TMCC1: variants seen among roughly 807,000 people sequenced by gnomAD.
TMCC1 encodes the protein transmembrane and coiled-coil domain family 1.
A neutral mutation model predicts 52.4 loss-of-function variants in TMCC1; 15 were observed. That is an observed-to-expected ratio of 0.29 (90% CI 0.19 to 0.44). The LOEUF (loss-of-function observed/expected upper bound fraction) is 0.44. Ranked by LOEUF, TMCC1 falls within the 20% of genes least tolerant of loss-of-function variation. TMCC1 has a pLI of 1.00. For synonymous variants in TMCC1, 279 were observed against 301.9 expected (o/e 0.92, Z 0.79); for missense variants, 503 against 806.0 (o/e 0.62, Z 4.55).
chr3:129,756,839 T>C (rs1309726178), intron 4 of TMCC1, among the ~76,000 whole-genome samples: 1 of 152,162 alleles, frequency 6.6e-6, no homozygotes, highest in African/African-American at 2.4e-5. Context: ...CAGTTGGTAG[T>C]GAGGGGAGTT....
chr3:129,881,563 T>C (rs2061462834), intron 1 of TMCC1, among the ~76,000 whole-genome samples: 2 of 152,062 alleles, frequency 1.3e-5, no homozygotes, highest in South Asian at 4.1e-4. Flanking sequence ...CAAAGGGACA[T>C]AAATGTTAAT....
At chr3:129,804,830 C>G (rs1334076610) in intron 4 of TMCC1, among the ~76,000 whole-genome samples, 2 of 152,190 alleles carry the variant, frequency 1.3e-5, no homozygotes, top group Admixed American at 6.5e-5. Context: ...AACTCTCCCC[C>G]TTACTTGATA....
chr3:129,878,409 A>C (rs536586128), intron 2 of TMCC1, among the ~76,000 whole-genome samples: 1 of 152,196 alleles, frequency 6.6e-6, no homozygotes, highest in South Asian at 2.1e-4. Flanking sequence ...CAATACAAAA[A>C]CCTTAACTCT....
intron 4 of TMCC1, among the ~76,000 whole-genome samples, chr3:129,678,034 C>A (rs2088613758): frequency 6.6e-6 from 1 of 152,072 alleles, no homozygotes; most frequent in Admixed American, 6.6e-5. Flanking sequence ...TCAAGCGATT[C>A]TCATGCCTCA....
intron 2 of TMCC1, among the ~76,000 whole-genome samples, chr3:129,865,795 T>C (rs574352988): frequency 1.0e-3 from 152 of 152,290 alleles, no homozygotes; most frequent in African/African-American, 3.4e-3. Flanking sequence ...TGATGGGCCA[T>C]TAATCAAGAT....
At chr3:129,857,789 T>C (rs1350633347) in intron 2 of TMCC1, among the ~76,000 whole-genome samples, 1 of 152,058 alleles carries the variant, frequency 6.6e-6, no homozygotes, top group Non-Finnish European at 1.5e-5. Context: ...GGTCTCGATC[T>C]CCTGATGTCA....
chr3:129,688,432 A>C, intron 4 of TMCC1: 1 of 985,478 alleles, frequency 1.0e-6, no homozygotes, highest in Non-Finnish European at 1.2e-6. Context: ...TCCCCCACCA[A>C]AGAGCCGCAG....
intron 4 of TMCC1, among the ~76,000 whole-genome samples, chr3:129,765,572 A>C (rs765720442): frequency 9.2e-5 from 14 of 152,214 alleles, no homozygotes; most frequent in Non-Finnish European, 2.1e-4. Flanking sequence ...AATTTGGATT[A>C]ACTATGAGTG....
intron 4 of TMCC1, among the ~76,000 whole-genome samples, chr3:129,770,127 A>G (rs773441236): frequency 6.6e-6 from 1 of 152,228 alleles, no homozygotes; most frequent in Non-Finnish European, 1.5e-5. Flanking sequence ...TCTAAGGTTG[A>G]TAACTATCTG....
At position 129,674,982 on chromosome 3, in the gene TMCC1, C is replaced by T. The variant is rs187670273; in HGVS notation, c.577-3718G>A. On this transcript the variant is annotated intron_variant, in intron 4 of 6. Coordinates refer to ENST00000393238, the MANE Select transcript of TMCC1 (RefSeq NM_001017395.5). ...CTTCCTGAGTAGCTGGGATTACAGG[C>T]GCACGCCACCACACCCAGCTATTTT... 3.9e-5 allele frequency among the ~76,000 whole-genome samples: 6 copies of T among 152,144 alleles called. 1 individual carries two copies. The highest frequency in any genetic ancestry group is 4.1e-4 in the South Asian group (2 of 4,820).
At chr3:129,711,974 C>T (rs972692856) in intron 4 of TMCC1, among the ~76,000 whole-genome samples, 1 of 126,266 alleles carries the variant, frequency 7.9e-6, no homozygotes, top group African/African-American at 3.2e-5. Flanking sequence ...TGCATTCCAG[C>T]CTGGGCGACA....
chr3:129,715,455 G>A (rs538634278), intron 4 of TMCC1, among the ~76,000 whole-genome samples: 34 of 152,286 alleles, frequency 2.2e-4, no homozygotes, highest in South Asian at 1.5e-3. Flanking sequence ...AGCTACTTGG[G>A]AGGCTGAGGC....
intron 4 of TMCC1, among the ~76,000 whole-genome samples, chr3:129,765,971 T>A (rs899446299): frequency 1.3e-5 from 2 of 152,134 alleles, no homozygotes; most frequent in African/African-American, 2.4e-5. Context: ...AGAAATTTTC[T>A]CAGACTCTGA....
At chr3:129,755,600 C>T (rs773514585) in intron 4 of TMCC1, among the ~76,000 whole-genome samples, 1 of 152,106 alleles carries the variant, frequency 6.6e-6, no homozygotes, top group Non-Finnish European at 1.5e-5. Flanking sequence ...GAAGACACTT[C>T]GTCATAGTAG....
intron 5 of TMCC1, among the ~76,000 whole-genome samples, chr3:129,666,027 T>C (rs1383382790): frequency 6.6e-6 from 1 of 151,978 alleles, no homozygotes; most frequent in Non-Finnish European, 1.5e-5. Flanking sequence ...TAAAATAAAC[T>C]AAAGCGTAGA....
At chr3:129,769,139 C>A (rs2054346830) in intron 4 of TMCC1, among the ~76,000 whole-genome samples, 1 of 152,254 alleles carries the variant, frequency 6.6e-6, no homozygotes, top group African/African-American at 2.4e-5. Flanking sequence ...CTAAAGCAAG[C>A]TTGTCCAACC....
intron 4 of TMCC1, among the ~76,000 whole-genome samples, chr3:129,810,711 G>A (rs1040433675): frequency 3.9e-5 from 6 of 152,110 alleles, no homozygotes; most frequent in African/African-American, 1.4e-4. Context: ...CAACGAATAT[G>A]GAAGGAAGCT....
chr3:129,759,923 A>G (rs964706346), intron 4 of TMCC1, among the ~76,000 whole-genome samples: 4 of 150,692 alleles, frequency 2.7e-5, no homozygotes, highest in Admixed American at 6.6e-5. Flanking sequence ...GGGTTTCACC[A>G]TGTTAGCCAG....
chr3:129,722,950 T>C (rs932516109), intron 4 of TMCC1, among the ~76,000 whole-genome samples: 2 of 152,238 alleles, frequency 1.3e-5, no homozygotes, highest in African/African-American at 4.8e-5. Context: ...GAAAAATCTG[T>C]TTGGATCTTA....
Sources: gnomAD v4.1 joint callset for allele counts (sites outside exome capture counted in the v4.1 genomes callset) on GRCh38, gnomAD v4.1.1 for gene constraint, MANE v1.5 for transcripts, NCBI Gene and HGNC (gene_info 2026-07-23, HGNC 2026-07-21) for gene names.